MSH3: variants seen among roughly 807,000 people sequenced by gnomAD.
MSH3 encodes DNA mismatch repair protein Msh3.
MSH3 carries 106 observed loss-of-function variants against 123.3 expected under a neutral mutation model. The observed-to-expected ratio is 0.86, with a 90% CI of 0.73 to 1.01. The LOEUF is 1.01. Ranked by LOEUF, MSH3 falls within the 50% of genes least tolerant of loss-of-function variation. The probability of loss-of-function intolerance (pLI) is 0.00; values close to 1 mark genes in which losing one functional copy is unlikely to be tolerated. For synonymous variants in MSH3, 515 were observed against 481.4 expected, an observed-to-expected ratio of 1.07 and a Z score of -0.91; for missense variants, 1,459 against 1,347.6, an observed-to-expected ratio of 1.08 and a Z score of -1.29.
At chr5:80,692,790 T>TACACAC (rs1750339544) in intron 8 of MSH3, among the ~76,000 whole-genome samples, 9 of 133,624 alleles carry the variant, frequency 6.7e-5, no homozygotes, top group African/African-American at 2.5e-4. Context: ...TTGATAAATA[T>TACACAC]ACATACACAT....
intron 22 of MSH3, among the ~76,000 whole-genome samples, chr5:80,865,821 A>G (rs1746088806): frequency 6.6e-6 from 1 of 152,232 alleles, no homozygotes; most frequent in South Asian, 2.1e-4. Context: ...TGAAAAAGAA[A>G]TCAGGCAGCT....
intron 20 of MSH3, 119 bp downstream of exon 20, chr5:80,813,860 C>A: frequency 1.7e-6 from 2 of 1,162,966 alleles, no homozygotes; most frequent in Non-Finnish European, 2.6e-6. Context: ...CATTTAGGAG[C>A]TTAAATAAAT....
Position 80,768,928 on chromosome 5 carries a change from C to A in MSH3, c.2178C>A (p.Ile726=), listed in dbSNP as rs1219188176. The A allele has an allele frequency of 6.2e-7, 1 of 1,612,882 alleles. No homozygotes were observed. The highest frequency in any genetic ancestry group is 8.5e-7 in the Non-Finnish European group (1 of 1,179,176). The change falls in exon 15 of 24, where the codon ATC becomes ATA. Residue 726 remains isoleucine, a synonymous_variant. Coordinates refer to ENST00000265081, the MANE Select transcript of MSH3 (RefSeq NM_002439.5). ...AAATTCAAGGTGTTATTGACGAGAT[C>A]CGAATGCATTTGCAAGAAATACGAA... ...KDEIQGVIDE[I]RMHLQEIRKI...
At chr5:80,800,688 G>A (rs945281546) in intron 19 of MSH3, among the ~76,000 whole-genome samples, 2 of 152,124 alleles carry the variant, frequency 1.3e-5, no homozygotes, top group Non-Finnish European at 2.9e-5. Flanking sequence ...GGAAATCTCT[G>A]CTGTAATGCC....
intron 8 of MSH3, among the ~76,000 whole-genome samples, chr5:80,698,397 G>A (rs1750532315): frequency 6.6e-6 from 1 of 152,170 alleles, no homozygotes; most frequent in African/African-American, 2.4e-5. Flanking sequence ...AGTTCTTATA[G>A]TCTAGAGGGG....
chr5:80,833,647 T>A (rs1745458692), intron 20 of MSH3, among the ~76,000 whole-genome samples: 1 of 152,246 alleles, frequency 6.6e-6, no homozygotes, highest in South Asian at 2.1e-4. Context: ...TTCACCATGT[T>A]GGCCAGGATG....
intron 20 of MSH3, among the ~76,000 whole-genome samples, chr5:80,849,675 C>T (rs1745794994): frequency 6.6e-6 from 1 of 152,108 alleles, no homozygotes; most frequent in South Asian, 2.1e-4. Context: ...ACACAGGGCA[C>T]CAAGTCCCTA....
intron 8 of MSH3, among the ~76,000 whole-genome samples, chr5:80,700,471 G>A (rs1006154721): frequency 2.6e-5 from 4 of 152,018 alleles, no homozygotes; most frequent in African/African-American, 9.7e-5. Context: ...AAGAGGAAGT[G>A]TTATTAGTAT....
At chr5:80,875,295 A>G (rs1746288059) in intron 23 of MSH3, among the ~76,000 whole-genome samples, 1 of 151,846 alleles carries the variant, frequency 6.6e-6, no homozygotes, top group Non-Finnish European at 1.5e-5. Flanking sequence ...TAAATAGTCA[A>G]TTGGGTTGCT....
At chr5:80,784,245 A>AG (rs1744464400) in intron 17 of MSH3, among the ~76,000 whole-genome samples, 1 of 132,554 alleles carries the variant, frequency 7.5e-6, no homozygotes, top group Admixed American at 7.9e-5. Flanking sequence ...AAAAAGGGAA[A>AG]TAAATAAATA....
chr5:80,774,921 A>T (rs1744273219), intron 15 of MSH3, among the ~76,000 whole-genome samples: 1 of 152,210 alleles, frequency 6.6e-6, no homozygotes, highest in Non-Finnish European at 1.5e-5. Flanking sequence ...ATAATCAATA[A>T]TAATTTAATT....
At chr5:80,817,341 G>A (rs1316130255) in intron 20 of MSH3, among the ~76,000 whole-genome samples, 8 of 152,152 alleles carry the variant, frequency 5.3e-5, no homozygotes, top group South Asian at 2.1e-4. Flanking sequence ...AGCTGCTTTC[G>A]TGGAGTGGTG....
At chr5:80,746,455 T>A (rs1178188769) in intron 12 of MSH3, 2 of 492,320 alleles carry the variant, frequency 4.1e-6, no homozygotes, top group Non-Finnish European at 8.1e-6. Flanking sequence ...CTTGATTGTA[T>A]TGGCAACAGT....
chr5:80,844,396 C>G (rs915405920), intron 20 of MSH3, among the ~76,000 whole-genome samples: 11 of 152,048 alleles, frequency 7.2e-5, no homozygotes, highest in African/African-American at 2.4e-4. Flanking sequence ...GTGTGGAGTT[C>G]CGTAGATGTC....
intron 8 of MSH3, among the ~76,000 whole-genome samples, chr5:80,694,238 A>G (rs1274926509): frequency 2.0e-5 from 3 of 152,178 alleles, no homozygotes; most frequent in Admixed American, 2.0e-4. Context: ...TTACCTCAGG[A>G]TCTGAAAAGA....
chr5:80,804,948 GTTCT>G (rs548189987), intron 19 of MSH3, among the ~76,000 whole-genome samples: 3 of 152,164 alleles, frequency 2.0e-5, no homozygotes, highest in Non-Finnish European at 4.4e-5. Context: ...AGGCAGCCTT[GTTCT>G]TTGTTAGCCT....
chr5:80,672,781 C>G lies in MSH3; in HGVS notation c.950C>G (p.Ala317Gly). 1 of 1,614,066 alleles carries G rather than the reference C, an allele frequency of 6.2e-7. No homozygotes were observed. The highest frequency in any genetic ancestry group is 1.1e-5 in the South Asian group (1 of 91,080). Residue 317 changes from alanine (A) to glycine (G), a missense_variant, in exon 6 of 24, where the codon GCC becomes GGC. By Grantham distance (60) the Ala-to-Gly change is moderately conservative. Coordinates refer to ENST00000265081, the MANE Select transcript of MSH3 (RefSeq NM_002439.5). The part of the protein sequence containing the change: ...VKQTETAALK[A>G]IGDNRSSLFS... ...CAAACTGAAACTGCAGCATTAAAGG[C>G]CATTGGAGACAACAGAAGTTCACTC...
At chr5:80,745,308 T>C (rs974011971) in intron 12 of MSH3, among the ~76,000 whole-genome samples, 2 of 152,188 alleles carry the variant, frequency 1.3e-5, no homozygotes, top group Non-Finnish European at 2.9e-5. Flanking sequence ...ATGATTCTGA[T>C]ATGCAGATAA....
At chr5:80,866,905 A>G (rs990255730) in intron 22 of MSH3, among the ~76,000 whole-genome samples, 1 of 152,188 alleles carries the variant, frequency 6.6e-6, no homozygotes, top group Non-Finnish European at 1.5e-5. Flanking sequence ...TCTATAGCTG[A>G]ATCTTCCTGT....
Sources: allele counts gnomAD v4.1 joint callset (sites outside exome capture counted in the v4.1 genomes callset), GRCh38; gene constraint gnomAD v4.1.1; transcripts MANE v1.5; gene names NCBI Gene and HGNC (gene_info 2026-07-23, HGNC 2026-07-21).